The following SDC3 variants were observed in gnomAD, a reference collection of about 807,000 sequenced individuals.
SDC3 encodes the protein syndecan-3.
A neutral mutation model predicts 24.4 loss-of-function variants in SDC3; 13 were observed. That is an observed-to-expected ratio of 0.53 (90% CI 0.35 to 0.85). The LOEUF is 0.85. Ranked by LOEUF, SDC3 falls within the 40% of genes least tolerant of loss-of-function variation. The pLI, the probability that SDC3 is intolerant of heterozygous loss-of-function variation, is 0.01. For synonymous variants in SDC3, 295 were observed against 260.9 expected, an observed-to-expected ratio of 1.13 and a Z score of -1.26; for missense variants, 571 against 584.5, an observed-to-expected ratio of 0.98 and a Z score of 0.24.
In SDC3 at chr1:30,881,098, T is replaced by C. The variant is rs182998725; in HGVS notation, c.139-2358A>G. On this transcript the variant is annotated intron_variant, in intron 1 of 4. Coordinates refer to ENST00000339394, the MANE Select transcript of SDC3 (RefSeq NM_014654.4). ...TGCATATATATTCTTCTGCATGTAC[T>C]ATGCACCCCAATGGATACACACACA... Among the ~76,000 whole-genome samples, 18 of 150,554 alleles carry C rather than the reference T, an allele frequency of 1.2e-4. No individual in the cohort carries two copies. In the East Asian group the frequency reaches 3.5e-3, roughly 30 times the overall value.
intron 1 of SDC3, among the ~76,000 whole-genome samples, chr1:30,882,754 G>A (rs1040596062): frequency 3.3e-5 from 5 of 151,858 alleles, no homozygotes; most frequent in Admixed American, 6.6e-5. Flanking sequence ...GGGGTCTCTC[G>A]TGCCCAGCCC....
intron 1 of SDC3, among the ~76,000 whole-genome samples, chr1:30,888,305 A>G (rs1345831710): frequency 6.6e-6 from 1 of 152,182 alleles, no homozygotes; most frequent in African/African-American, 2.4e-5. Flanking sequence ...AAGGGGCTGG[A>G]GGAGCACATG....
intron 1 of SDC3, among the ~76,000 whole-genome samples, chr1:30,888,629 A>T (rs916573289): frequency 6.6e-6 from 1 of 152,170 alleles, no homozygotes; most frequent in African/African-American, 2.4e-5. Context: ...GTGTGTGTCC[A>T]GGCCTCTCCT....
intron 1 of SDC3, among the ~76,000 whole-genome samples, chr1:30,906,900 C>T (rs976309244): frequency 3.3e-5 from 5 of 152,234 alleles, no homozygotes; most frequent in African/African-American, 1.2e-4. Context: ...CTTCCTCTCA[C>T]CCCACTTAGG....
intron 4 of SDC3, among the ~76,000 whole-genome samples, chr1:30,873,618 G>A (rs1013372365): frequency 4.6e-5 from 7 of 152,068 alleles, no homozygotes; most frequent in Non-Finnish European, 1.0e-4. Flanking sequence ...TGAGGGAGGG[G>A]TCATCTGAGG....
chr1:30,882,394 C>A (rs1031630048), intron 1 of SDC3, among the ~76,000 whole-genome samples: 20 of 152,136 alleles, frequency 1.3e-4, no homozygotes, highest in Non-Finnish European at 2.2e-4. Context: ...ACCTCAGGCT[C>A]CCAGCCCAGA....
chr1:30,899,762 C>G (rs979686478), intron 1 of SDC3, among the ~76,000 whole-genome samples: 1 of 152,184 alleles, frequency 6.6e-6, no homozygotes, highest in Non-Finnish European at 1.5e-5. Context: ...ATTCCCCCCT[C>G]GAGACCTCAC....
At chr1:30,881,510 CCA>C (rs1639744714) in intron 1 of SDC3, 1 of 152,426 alleles carries the variant, frequency 6.6e-6, no homozygotes, top group Non-Finnish European at 1.5e-5. Flanking sequence ...GCTGCACCCC[CCA>C]CACACAGCGA....
At chr1:30,894,415 TGG>T (rs1187766673) in intron 1 of SDC3, among the ~76,000 whole-genome samples, 1 of 82,748 alleles carries the variant, frequency 1.2e-5, no homozygotes, top group Non-Finnish European at 2.1e-5. Context: ...AATGTGTGTG[TGG>T]GGGTGAGTGT....
chr1:30,886,163 C>T (rs558645179), intron 1 of SDC3, among the ~76,000 whole-genome samples: 9 of 151,956 alleles, frequency 5.9e-5, no homozygotes, highest in East Asian at 1.9e-4. Flanking sequence ...TCTGGGAACA[C>T]GGGCTCCTTC....
Position 30,876,688 on chromosome 1 carries a change from G to A in SDC3, c.734C>T (p.Thr245Ile). The change falls in exon 3 of 5, where the codon ACA (threonine) becomes ATA (isoleucine). Residue 245 changes from threonine (T) to isoleucine (I), a missense_variant. This residue lies in a region of SDC3 where 497 missense variants were observed against 471.6 expected (regional missense o/e 1.05). Transcript: ENST00000339394. ...TAAVLDTEAP[T>I]PRLVSTATSR... ...GGTAGCTGTGCTGACCAGCCTGGGTGTTGGGGCCTCGGTGTCCAAGACAGC... is the reference window on the plus strand; with the variant it reads ...GGTAGCTGTGCTGACCAGCCTGGGTATTGGGGCCTCGGTGTCCAAGACAGC... 1 of 1,603,800 alleles carries A rather than the reference G, an allele frequency of 6.2e-7. No homozygotes were observed. The highest frequency in any genetic ancestry group is 8.5e-7 in the Non-Finnish European group (1 of 1,174,796).
Position 30,873,032 on chromosome 1 carries a change from G to T in SDC3, c.*179C>A. The T allele has an allele frequency of 1.6e-6, 1 of 622,506 alleles. No individual in the cohort carries two copies. The highest frequency in any genetic ancestry group is 2.9e-6 in the Non-Finnish European group (1 of 348,084). The allele number at this position is 622,506 out of a possible 1,614,324, so 38.6% of individuals were successfully genotyped here. On this transcript the variant is annotated 3_prime_UTR_variant, in exon 5 of 5. Coordinates refer to ENST00000339394, the MANE Select transcript of SDC3 (RefSeq NM_014654.4). ...GCACAGTCTGGGGCAGATGGCAGCA[G>T]CCCCTCTTCCTCGGGGAAGATCTGT...
Position 30,877,102 on chromosome 1 carries a change from A to G in SDC3, c.320T>C (p.Val107Ala). ...GGGCAGCACCGCAGGTGTGGTGGAC[A>G]CCGCCAGGGCTACATCTGGGCTGAA... ...MRFSPDVALA[V>A]STTPAVLPTT... Residue 107 changes from valine to alanine, a missense_variant, in exon 3 of 5, where the codon GTG becomes GCG. Around this residue, in one of 2 missense-constraint regions of SDC3, gnomAD observed 497 missense variants for 471.6 expected, o/e 1.05. Coordinates refer to ENST00000339394, the MANE Select transcript of SDC3 (RefSeq NM_014654.4). 2 of 1,613,904 alleles carry G rather than the reference A, an allele frequency of 1.2e-6. No homozygotes were observed. Among genetic ancestry groups the G allele is most frequent in the Non-Finnish European group, 1.7e-6 (2 of 1,179,978 alleles).
intron 1 of SDC3, among the ~76,000 whole-genome samples, chr1:30,889,131 C>T (rs1013775062): frequency 3.3e-5 from 5 of 152,354 alleles, no homozygotes; most frequent in Admixed American, 6.5e-5. Flanking sequence ...ACCAGCTACG[C>T]GACTCTGGGC....
chr1:30,887,581 C>G (rs762131977), intron 1 of SDC3, among the ~76,000 whole-genome samples: 3 of 152,164 alleles, frequency 2.0e-5, no homozygotes, highest in Non-Finnish European at 4.4e-5. Flanking sequence ...GTCTGCAAAA[C>G]CAGGGCTAGT....
At chr1:30,903,812 C>G (rs977930120) in intron 1 of SDC3, among the ~76,000 whole-genome samples, 4 of 152,172 alleles carry the variant, frequency 2.6e-5, no homozygotes, top group African/African-American at 9.7e-5. Flanking sequence ...AAATTTAGGA[C>G]TGCAGCCCAG....
At chr1:30,876,064 C>A (rs1201942443) in intron 3 of SDC3, among the ~76,000 whole-genome samples, 2 of 152,178 alleles carry the variant, frequency 1.3e-5, no homozygotes, top group Non-Finnish European at 2.9e-5. Flanking sequence ...TGTACCATCA[C>A]CAGGCGCTGT....
intron 1 of SDC3, among the ~76,000 whole-genome samples, chr1:30,882,110 A>G (rs1639753827): frequency 6.6e-6 from 1 of 152,172 alleles, no homozygotes; most frequent in African/African-American, 2.4e-5. Context: ...ACATGTGCGC[A>G]GCCTACTTGT....
chr1:30,888,897 G>T (rs1639868542), intron 1 of SDC3, among the ~76,000 whole-genome samples: 1 of 152,060 alleles, frequency 6.6e-6, no homozygotes, highest in Non-Finnish European at 1.5e-5. Context: ...CAAAAAGGCT[G>T]GAAGAAGGGT....
Sources: allele counts gnomAD v4.1 joint callset (sites outside exome capture counted in the v4.1 genomes callset), GRCh38; gene constraint gnomAD v4.1.1; regional missense constraint gnomAD v4.1.1; transcripts MANE v1.5; gene names NCBI Gene and HGNC (gene_info 2026-07-23, HGNC 2026-07-21).